USP26: variants seen among roughly 807,000 people sequenced by gnomAD.
USP26 encodes the protein ubiquitin specific peptidase 26.
For synonymous variants in USP26, 236 were observed against 240.6 expected, an observed-to-expected ratio of 0.98 and a Z score of 0.18; for missense variants, 649 against 642.3, an observed-to-expected ratio of 1.01 and a Z score of -0.11.
In USP26 at chrX:133,026,812, T is replaced by C. The variant is rs751689674; in HGVS notation, c.1409A>G (p.Gln470Arg). The change falls in exon 6 of 6, where the codon CAA (glutamine) becomes CGA (arginine). Residue 470 changes from glutamine (Q) to arginine (R), a missense_variant. Transcript: ENST00000511190. ...AGATGAAGGATGTGCTTTTATTCTT[T>C]GGGGAAGGTTGATGGAGAGGTAATT... ...LNNYLSINLP[Q>R]RIKAHPSSIQ... 21 of 1,209,325 alleles carry C rather than the reference T, an allele frequency of 1.7e-5. No individual in the cohort carries two copies. The African/African-American group carries it at 2.3e-4, about 13-fold the overall frequency.
intron 5 of USP26, among the ~76,000 whole-genome samples, chrX:133,064,818 C>G (rs1456243926): frequency 9.0e-6 from 1 of 110,929 alleles, no homozygotes; most frequent in East Asian, 2.8e-4. Flanking sequence ...ATTAAAAGAC[C>G]CAGAGAAGCA....
intron 5 of USP26, among the ~76,000 whole-genome samples, chrX:133,030,031 T>A (rs1218287235): frequency 8.9e-6 from 1 of 111,964 alleles, no homozygotes; most frequent in African/African-American, 3.2e-5. Context: ...AATGTATTGT[T>A]TCTCCAAGAC....
In USP26 at chrX:133,023,196, C is replaced by T. The variant is rs182736207; in HGVS notation, c.*2283G>A. On this transcript the variant is annotated 3_prime_UTR_variant, in exon 6 of 6. Transcript: ENST00000511190. The stretch of plus-strand genomic sequence containing the variant: ...TTTTAATCTTTTATTTGAAAACATA[C>T]CATGTAGATACTATACAAGCATTCA... Among the ~76,000 whole-genome samples, 3 of 111,590 alleles carry T rather than the reference C, an allele frequency of 2.7e-5. No individual in the cohort carries two copies. The highest frequency in any genetic ancestry group is 9.8e-5 in the African/African-American group (3 of 30,716).
intron 5 of USP26, among the ~76,000 whole-genome samples, chrX:133,057,844 TTATATATA>T (rs1198872172): frequency 3.3e-5 from 1 of 30,668 alleles, no homozygotes; most frequent in Admixed American, 3.0e-4. Flanking sequence ...ATACTTTACA[TTATATATA>T]TATATATATA....
chrX:133,094,272 G>A (rs949145694), intron 1 of USP26, among the ~76,000 whole-genome samples: 5 of 111,254 alleles, frequency 4.5e-5, no homozygotes, highest in Non-Finnish European at 7.5e-5. Flanking sequence ...GGCACACTGC[G>A]TGGCTAAGGG....
intron 5 of USP26, among the ~76,000 whole-genome samples, chrX:133,038,430 T>C (rs573336169): frequency 2.1e-4 from 23 of 111,995 alleles, no homozygotes; most frequent in African/African-American, 7.5e-4. Flanking sequence ...AATCATGTGG[T>C]TTTTGTCATT....
At chrX:133,059,548 C>T (rs914778994) in intron 5 of USP26, among the ~76,000 whole-genome samples, 21 of 110,800 alleles carry the variant, frequency 1.9e-4, no homozygotes, top group African/African-American at 6.9e-4. Context: ...CTTCACAGAA[C>T]CAAAATCTGG....
chrX:133,051,621 G>C (rs1353115306), intron 5 of USP26, among the ~76,000 whole-genome samples: 1 of 111,975 alleles, frequency 8.9e-6, no homozygotes, highest in Non-Finnish European at 1.9e-5. Flanking sequence ...GGATGGCAAG[G>C]TAAAATGAAA....
At chrX:133,059,729 C>T (rs769625856) in intron 5 of USP26, among the ~76,000 whole-genome samples, 5 of 110,984 alleles carry the variant, frequency 4.5e-5, no homozygotes, top group African/African-American at 1.6e-4. Flanking sequence ...TTCAAACCCT[C>T]AAAGATCCAG....
At chrX:133,032,297 C>T (rs148622985) in intron 5 of USP26, among the ~76,000 whole-genome samples, 7 of 111,422 alleles carry the variant, frequency 6.3e-5, no homozygotes, top group Non-Finnish European at 9.4e-5. Flanking sequence ...AGGCCTAACA[C>T]GTGATGACAA....
chrX:133,055,261 T>C (rs895685464), intron 5 of USP26, among the ~76,000 whole-genome samples: 1 of 111,403 alleles, frequency 9.0e-6, no homozygotes, highest in Non-Finnish European at 1.9e-5. Context: ...CCTGATTGAA[T>C]AGGATATCCC....
chrX:133,036,685 T>C (rs1425431587), intron 5 of USP26, among the ~76,000 whole-genome samples: 3 of 112,079 alleles, frequency 2.7e-5, no homozygotes, highest in Non-Finnish European at 5.6e-5. Flanking sequence ...ATTCTTTGGG[T>C]CTATACCCAG....
intron 5 of USP26, among the ~76,000 whole-genome samples, chrX:133,029,240 C>A (rs1177838288): frequency 8.9e-6 from 1 of 112,517 alleles, no homozygotes; most frequent in Non-Finnish European, 1.9e-5. Context: ...CTTCCTGAAT[C>A]TTCTCTATGC....
At chrX:133,090,408 T>C (rs1390257553) in intron 3 of USP26, among the ~76,000 whole-genome samples, 182 bp from the exon 4 acceptor site, 1 of 112,416 alleles carries the variant, frequency 8.9e-6, no homozygotes, top group Non-Finnish European at 1.9e-5. Context: ...GGCTTACTGT[T>C]AAATGGCTAC....
chrX:133,058,277 C>T (rs192112494), intron 5 of USP26, among the ~76,000 whole-genome samples: 3 of 110,834 alleles, frequency 2.7e-5, no homozygotes, highest in East Asian at 5.7e-4. Context: ...TCAAAGTAAT[C>T]TATAAATGTC....
intron 4 of USP26, among the ~76,000 whole-genome samples, chrX:133,084,303 A>T (rs7060038): frequency 3.3e-3 from 361 of 110,827 alleles, no homozygotes; most frequent in African/African-American, 0.011. Context: ...GGCTCAAGTG[A>T]TCCTCCCACC....
chrX:133,071,174 A>G (rs973391999), intron 5 of USP26, among the ~76,000 whole-genome samples: 3 of 111,033 alleles, frequency 2.7e-5, no homozygotes, highest in Non-Finnish European at 3.8e-5. Context: ...CTGAGATTGC[A>G]CCACTGCACT....
intron 5 of USP26, among the ~76,000 whole-genome samples, chrX:133,052,300 A>G (rs1300346941): frequency 3.6e-5 from 4 of 111,865 alleles, no homozygotes; most frequent in Non-Finnish European, 7.5e-5. Context: ...ACACTTAGAG[A>G]GTTCAGGCAG....
chrX:133,063,403 G>A (rs1325354553), intron 5 of USP26, among the ~76,000 whole-genome samples: 1 of 110,833 alleles, frequency 9.0e-6, no homozygotes, highest in Non-Finnish European at 1.9e-5. Flanking sequence ...TCCTCAAGAA[G>A]AGCAACCCCA....
Sources: gnomAD v4.1 joint callset for allele counts (sites outside exome capture counted in the v4.1 genomes callset) on GRCh38, gnomAD v4.1.1 for gene constraint, MANE v1.5 for transcripts, NCBI Gene and HGNC (gene_info 2026-07-23, HGNC 2026-07-21) for gene names.